Variants in CDH18 observed in about 807,000 individuals in gnomAD.
CDH18 encodes the protein cadherin-18.
Under a neutral mutation model 67.9 loss-of-function variants are expected in CDH18, and 31 were observed. That is an observed-to-expected ratio of 0.46 (90% confidence interval 0.34 to 0.62). The LOEUF is 0.62. Among genes scored for constraint, CDH18 ranks in the 20% least tolerant of loss-of-function variants. The pLI is 0.01. For missense variants in CDH18, 890 were observed against 975.5 expected (o/e 0.91, Z 1.17); for synonymous variants, 362 against 347.2 (o/e 1.04, Z -0.48).
chr5:20,178,513 A>C (rs565945448), intron 2 of CDH18, among the ~76,000 whole-genome samples: 1 of 151,394 alleles, frequency 6.6e-6, no homozygotes, highest in East Asian at 1.9e-4. Context: ...AAAAAAAAAA[A>C]CATGAAATAC....
At chr5:20,317,653 T>A (rs1227446639) in intron 1 of CDH18, among the ~76,000 whole-genome samples, 1 of 152,168 alleles carries the variant, frequency 6.6e-6, no homozygotes, top group Non-Finnish European at 1.5e-5. Context: ...TGCTTACAAA[T>A]TATGTTCAAC....
intron 1 of CDH18, among the ~76,000 whole-genome samples, chr5:20,357,371 A>G (rs1452656839): frequency 6.6e-6 from 1 of 152,192 alleles, no homozygotes; most frequent in Non-Finnish European, 1.5e-5. Context: ...ATTGGCACAA[A>G]TCAACACACA....
At chr5:19,590,343 A>AACTTCCCCATGGTAGTATTCAAC (rs1744888356) in intron 7 of CDH18, among the ~76,000 whole-genome samples, 1 of 152,076 alleles carries the variant, frequency 6.6e-6, no homozygotes, top group South Asian at 2.1e-4. Context: ...TTATTCTTAG[A>AACTTCCCCATGGTAGTATTCAAC]ACTTCCCCAT....
At chr5:19,693,875 G>A (rs926289285) in intron 5 of CDH18, among the ~76,000 whole-genome samples, 2 of 143,004 alleles carry the variant, frequency 1.4e-5, no homozygotes, top group East Asian at 2.1e-4. Context: ...CAGCCTGGGC[G>A]ACAAAGTGAG....
chr5:20,006,677 T>C (rs1736927036), intron 2 of CDH18, among the ~76,000 whole-genome samples: 1 of 152,038 alleles, frequency 6.6e-6, no homozygotes, highest in Admixed American at 6.6e-5. Flanking sequence ...GTTGTTTGGA[T>C]TAATCATTAC....
At chr5:19,857,540 T>C (rs752066436) in intron 2 of CDH18, among the ~76,000 whole-genome samples, 1 of 152,188 alleles carries the variant, frequency 6.6e-6, no homozygotes, top group Non-Finnish European at 1.5e-5. Flanking sequence ...AACAGTCATA[T>C]ATATGTCTTG....
rs531910709 is a variant in CDH18 at position 19,702,571 on chromosome 5, G to T, written c.643+18776C>A. Among the ~76,000 whole-genome samples, 31 of 152,018 alleles carry T rather than the reference G, an allele frequency of 2.0e-4. No homozygotes were observed. The East Asian group carries it at 6.2e-3, about 31-fold the overall frequency. The stretch of plus-strand genomic sequence containing the variant: ...AGCTGAGGTCAGGAGTTCAAGACCA[G>T]CCTGGCCAACATAGTAAAACCCCGT... On this transcript the variant is annotated intron_variant, in intron 5 of 12. Transcript: ENST00000382275.
At chr5:20,270,301 T>C (rs185806747) in intron 1 of CDH18, among the ~76,000 whole-genome samples, 4 of 152,236 alleles carry the variant, frequency 2.6e-5, no homozygotes, top group Non-Finnish European at 4.4e-5. Flanking sequence ...TGATATAGAA[T>C]TGTTAAACTT....
chr5:19,688,915 T>G (rs546279102), intron 5 of CDH18, among the ~76,000 whole-genome samples: 1 of 152,138 alleles, frequency 6.6e-6, no homozygotes, highest in South Asian at 2.1e-4. Context: ...TTTAAGAGCT[T>G]CAACAATAGA....
intron 2 of CDH18, among the ~76,000 whole-genome samples, chr5:19,917,605 G>T (rs1001711803): frequency 2.0e-5 from 3 of 152,116 alleles, no homozygotes; most frequent in Admixed American, 6.6e-5. Context: ...TCTATATAAA[G>T]ATAGCAAGTG....
rs112580314 is a variant in CDH18 at position 20,151,416 on chromosome 5, T to A, written c.-518+104028A>T. Among the ~76,000 whole-genome samples, 1,077 of 152,276 alleles carry A rather than the reference T, an allele frequency of 7.1e-3. 16 individuals carry two copies. Among genetic ancestry groups the A allele is most frequent in the African/African-American group, 0.023 (938 of 41,576 alleles). On this transcript the variant is annotated intron_variant, in intron 2 of 14. Transcript: ENST00000507958. ...GATGGGCACCTAGGTTTATTCCATGTCTTTGCTATTGTAAACAGCACAGTG... is the reference window on the plus strand; with the variant it reads ...GATGGGCACCTAGGTTTATTCCATGACTTTGCTATTGTAAACAGCACAGTG...
At chr5:19,593,707 C>CCTCCTCCTCCTTCTTCTTCCT in intron 6 of CDH18, among the ~76,000 whole-genome samples, 2 of 33,384 alleles carry the variant, frequency 6.0e-5, no homozygotes, top group African/African-American at 2.3e-4. Flanking sequence ...TCCTCCTCCT[C>CCTCCTCCTCCTTCTTCTTCCT]CTTCTTCTTC....
chr5:19,628,672 A>T (rs753682288), intron 5 of CDH18, among the ~76,000 whole-genome samples: 1 of 151,994 alleles, frequency 6.6e-6, no homozygotes, highest in African/African-American at 2.4e-5. Flanking sequence ...TCAATTTTGG[A>T]TCTACTCTGA....
At chr5:19,845,044 G>T (rs889655887) in intron 2 of CDH18, among the ~76,000 whole-genome samples, 1 of 152,104 alleles carries the variant, frequency 6.6e-6, no homozygotes, top group African/African-American at 2.4e-5. Flanking sequence ...GACATGCACA[G>T]TGTTAAATAT....
chr5:19,714,008 T>A (rs1765043175), intron 5 of CDH18, among the ~76,000 whole-genome samples: 1 of 152,138 alleles, frequency 6.6e-6, no homozygotes, highest in Non-Finnish European at 1.5e-5. Context: ...AGGTCCCAGG[T>A]ATCAGTTAGT....
intron 2 of CDH18, among the ~76,000 whole-genome samples, chr5:19,866,672 T>C (rs1465139237): frequency 6.6e-6 from 1 of 152,180 alleles, no homozygotes; most frequent in Non-Finnish European, 1.5e-5. Flanking sequence ...AACAGTCTCA[T>C]TTTGTCTCTA....
intron 2 of CDH18, among the ~76,000 whole-genome samples, chr5:20,029,905 C>A (rs866523317): frequency 3.3e-5 from 5 of 152,148 alleles, no homozygotes; most frequent in South Asian, 4.1e-4. Flanking sequence ...TGAGTTCTCA[C>A]CTCGATATTC....
At chr5:20,413,966 A>G (rs1044492982) in intron 1 of CDH18, among the ~76,000 whole-genome samples, 2 of 152,142 alleles carry the variant, frequency 1.3e-5, no homozygotes, top group African/African-American at 4.8e-5. Context: ...TAAGTGTTGA[A>G]TCCATCTTGA....
At chr5:20,290,230 A>T (rs1298779826) in intron 1 of CDH18, among the ~76,000 whole-genome samples, 1 of 152,102 alleles carries the variant, frequency 6.6e-6, no homozygotes, top group Non-Finnish European at 1.5e-5. Context: ...TCTCAATTTA[A>T]GTGTTTTAGC....
Sources: gnomAD v4.1 joint callset for allele counts (sites outside exome capture counted in the v4.1 genomes callset) on GRCh38, gnomAD v4.1.1 for gene constraint, MANE v1.5 for transcripts, NCBI Gene and HGNC (gene_info 2026-07-23, HGNC 2026-07-21) for gene names.